The following LRP4 variants were observed in gnomAD, a reference collection of about 807,000 sequenced individuals.
LRP4 encodes the protein low-density lipoprotein receptor-related protein 4.
In LRP4, 95 loss-of-function variants were observed where a neutral mutation model predicts 220.3. That is an observed-to-expected ratio of 0.43 (90% CI 0.37 to 0.51). The LOEUF (loss-of-function observed/expected upper bound fraction) is 0.51. Among genes scored for constraint, LRP4 ranks in the 20% least tolerant of loss-of-function variants. The pLI, the probability that LRP4 is intolerant of heterozygous loss-of-function variation, is 0.00. For missense variants in LRP4, 1,925 were observed against 2,567.0 expected (o/e 0.75, Z 5.40); for synonymous variants, 903 against 954.6 (o/e 0.95, Z 1.00).
chr11:46,896,362 G>A, intron 8 of LRP4, 27 bp from the exon 9 acceptor site: 1 of 1,611,156 alleles, frequency 6.2e-7, no homozygotes, highest in Non-Finnish European at 8.5e-7. Context: ...TCAGGTCATA[G>A]CAAGGCAGGG....
chr11:46,904,337 GC>G (rs1010476812), intron 1 of LRP4, among the ~76,000 whole-genome samples: 5 of 152,232 alleles, frequency 3.3e-5, no homozygotes, highest in African/African-American at 1.2e-4. Context: ...TAATTCCTTG[GC>G]CTAGCCTAGG....
At position 46,897,389 on chromosome 11, in the gene LRP4, T is replaced by G. The variant is rs1353639246; in HGVS notation, c.797-395A>C. Among the ~76,000 whole-genome samples the G allele has an allele frequency of 2.0e-5, 3 of 149,982 alleles. 1 individual carries two copies. The East Asian group carries it at 6.0e-4, about 30-fold the overall frequency. On this transcript the variant is annotated intron_variant, in intron 7 of 37. Coordinates refer to ENST00000378623, the MANE Select transcript of LRP4 (RefSeq NM_002334.4). ...TTTTATTTTTTTTTATTTTTTAATT[T>G]TTTTATTATCATTCTTGGGTGTTTC...
intron 1 of LRP4, among the ~76,000 whole-genome samples, chr11:46,913,804 C>T (rs1031497222): frequency 7.2e-5 from 11 of 152,172 alleles, no homozygotes; most frequent in Admixed American, 5.9e-4. Flanking sequence ...ACTAAGGCGA[C>T]ATGAGTTCCC....
chr11:46,884,959 AC>A (rs994991055), intron 18 of LRP4, among the ~76,000 whole-genome samples: 5 of 151,920 alleles, frequency 3.3e-5, no homozygotes, highest in African/African-American at 4.8e-5. Flanking sequence ...ATGCTCACTA[AC>A]CCCCAAAGAT....
rs201502598 is a variant in LRP4, at chr11:46,894,691, C to G, written c.1438G>C (p.Glu480Gln). The change falls in exon 12 of 38, where the codon GAG (glutamate) becomes CAG (glutamine). Residue 480 changes from glutamate to glutamine, a missense_variant. Transcript: ENST00000378623. ...AIALDFHHRRELVFWSDVTLD... is the reference protein window; with the variant it reads ...AIALDFHHRRQLVFWSDVTLD... ...GTGACATCTGACCAGAAGACAAGCT[C>G]GCGGCGGTGGTGGAAATCAAGGGCA... The G allele has an allele frequency of 1.8e-5, 29 of 1,614,064 alleles. No individual in the cohort carries two copies. Among genetic ancestry groups the G allele is most frequent in the Admixed American group, 1.0e-4 (6 of 59,994 alleles).
At chr11:46,894,469 T>C (rs1941482812) in intron 12 of LRP4, 120 bp downstream of exon 12, 1 of 766,812 alleles carries the variant, frequency 1.3e-6, no homozygotes, top group Non-Finnish European at 2.3e-6. Context: ...CCAACTAAGA[T>C]TTCCCTGGAA....
intron 7 of LRP4, among the ~76,000 whole-genome samples, chr11:46,897,742 G>A (rs1941570430): frequency 6.6e-6 from 1 of 152,210 alleles, no homozygotes; most frequent in African/African-American, 2.4e-5. Flanking sequence ...TCTTAGTACA[G>A]AACAAAATGA....
intron 34 of LRP4, among the ~76,000 whole-genome samples, chr11:46,866,285 T>A (rs939458483): frequency 3.2e-4 from 49 of 151,420 alleles, no homozygotes; most frequent in African/African-American, 1.2e-3. Context: ...TTATTTTTTG[T>A]TTTTTGTTTT....
intron 20 of LRP4, 128 bp downstream of exon 20, chr11:46,881,574 G>T: frequency 1.1e-6 from 1 of 914,258 alleles, no homozygotes; most frequent in Non-Finnish European, 1.8e-6. Context: ...CCCCATGCTG[G>T]TCCCATAACC....
intron 22 of LRP4, 47 bp from the exon 23 acceptor site, chr11:46,877,386 A>G: frequency 1.2e-6 from 2 of 1,611,274 alleles, no homozygotes; most frequent in South Asian, 2.2e-5. Context: ...CACAGCCATT[A>G]AATGGATTTG....
At chr11:46,868,467 A>C (rs1940761438) in intron 33 of LRP4, 133 bp downstream of exon 33, 1 of 753,936 alleles carries the variant, frequency 1.3e-6, no homozygotes, top group Non-Finnish European at 2.3e-6. Context: ...ACTGCTACCA[A>C]TCACTCCACT....
intron 19 of LRP4, among the ~76,000 whole-genome samples, chr11:46,882,664 C>A (rs1428154270): frequency 6.6e-6 from 1 of 151,790 alleles, no homozygotes; most frequent in Admixed American, 6.6e-5. Flanking sequence ...CCAGCCTAGA[C>A]AACATAGCAA....
chr11:46,862,878 C>G (rs1161871184), intron 36 of LRP4, 131 bp from the exon 37 acceptor site: 9 of 757,348 alleles, frequency 1.2e-5, no homozygotes, highest in Non-Finnish European at 1.9e-5. Context: ...GTACTCATGC[C>G]CTTAAGAATC....
In LRP4 at chr11:46,869,888, A is replaced by G. The variant is rs137906729; in HGVS notation, c.4693-756T>C. On this transcript the variant is annotated intron_variant, in intron 31 of 37. Coordinates refer to ENST00000378623, the MANE Select transcript of LRP4 (RefSeq NM_002334.4). ...CTTTGGGAGGCCAAGGTGGGCGATC[A>G]TGAGGTCAGGAGTTCGAAACCAGCC... is the stretch of plus-strand genomic sequence containing the variant. Among the ~76,000 whole-genome samples the G allele has an allele frequency of 6.3e-3, 958 of 152,052 alleles. 13 individuals are homozygous for G. Among genetic ancestry groups the G allele is most frequent in the African/African-American group, 0.022 (914 of 41,474 alleles).
intron 2 of LRP4, 68 bp from the exon 3 acceptor site, chr11:46,900,446 G>A: frequency 3.1e-6 from 3 of 969,094 alleles, no homozygotes; most frequent in Non-Finnish European, 5.1e-6. Flanking sequence ...AACTAGGCCA[G>A]ATAGCCTTTT....
rs1459672792 is a variant in LRP4, at chr11:46,858,760, T to C, written c.*223A>G. 2 of 601,584 alleles carry C rather than the reference T, an allele frequency of 3.3e-6. No individual in the cohort carries two copies. The highest frequency in any genetic ancestry group is 6.0e-6 in the Non-Finnish European group (2 of 331,336). 37.3% of individuals were successfully genotyped at this position (601,584 alleles called of 1,614,324 possible). A position where few individuals can be genotyped will look rare whatever the true frequency, so the allele number is the denominator to read the frequency against. On this transcript the variant is annotated 3_prime_UTR_variant, in exon 38 of 38. Coordinates refer to ENST00000378623, the MANE Select transcript of LRP4 (RefSeq NM_002334.4). ...GGAGTACAAGATGTGAGGTTCATGG[T>C]AAAATCCAGGTCTAAATTCTCGTGA... is the stretch of plus-strand genomic sequence containing the variant.
At chr11:46,911,151 A>G (rs1306326641) in intron 1 of LRP4, among the ~76,000 whole-genome samples, 1 of 152,220 alleles carries the variant, frequency 6.6e-6, no homozygotes, top group Non-Finnish European at 1.5e-5. Context: ...AATAATACGT[A>G]TGAGGTTCAT....
In LRP4 at chr11:46,873,952, C is replaced by T. The variant is rs77592791; in HGVS notation, c.4230-359G>A. 3.7e-6 allele frequency: 1 copy of T among 272,454 alleles called. No homozygotes were observed. The highest frequency in any genetic ancestry group is 7.1e-5 in the East Asian group (1 of 14,122). 16.9% of individuals were successfully genotyped at this position (272,454 alleles called of 1,614,324 possible). A position where few individuals can be genotyped will look rare whatever the true frequency, so the allele number is the denominator to read the frequency against. ...GCAGATTTGTCAAAACCAACCTGTG[C>T]ATTTTTTAAAAGTTAAAAACAATTT... On this transcript the variant is annotated intron_variant, in intron 28 of 37. Coordinates refer to ENST00000378623, the MANE Select transcript of LRP4 (RefSeq NM_002334.4). The surrounding 1 kb of genome is among the most constrained non-coding windows in gnomAD (Gnocchi z 4.2).
rs779961860 is a variant in LRP4, at chr11:46,894,641, G to T, written c.1488C>A (p.Asn496Lys). 18 of 1,613,912 alleles carry T rather than the reference G, an allele frequency of 1.1e-5. No homozygotes were observed. Among genetic ancestry groups the T allele is most frequent in the Non-Finnish European group, 1.5e-5 (18 of 1,179,968 alleles). Residue 496 changes from asparagine (N) to lysine (K), a missense_variant, in exon 12 of 38, where the codon AAC becomes AAA. Physicochemically the swap from Asn to Lys is moderately conservative, Grantham distance 94. Around this residue, in one of 3 missense-constraint regions of LRP4, gnomAD observed 269 missense variants for 436.7 expected, o/e 0.62. Transcript: ENST00000378623. ...CCTCCTCCACGTTGCTGCCGTTGAG[G>T]TTGGCACGGAGGATCCGGTCCAGGG... ...DVTLDRILRA[N>K]LNGSNVEEVV...
Sources: allele counts gnomAD v4.1 joint callset (sites outside exome capture counted in the v4.1 genomes callset), GRCh38; gene constraint gnomAD v4.1.1; regional missense constraint gnomAD v4.1.1; non-coding constraint Gnocchi (gnomAD v3.1); transcripts MANE v1.5; gene names NCBI Gene and HGNC (gene_info 2026-07-23, HGNC 2026-07-21).